The following INKA1 variants were observed in gnomAD, a reference collection of about 807,000 sequenced individuals.
INKA1 encodes PAK4-inhibitor INKA1.
INKA1 carries 14 observed loss-of-function variants against 21.3 expected under a neutral mutation model. The ratio of observed to expected loss-of-function variants is 0.66; its 90% CI spans 0.43 to 1.03. The LOEUF is 1.03. Among genes scored for constraint, INKA1 ranks in the 50% least tolerant of loss-of-function variants. The pLI is 0.00. For missense variants in INKA1, 353 were observed against 379.0 expected (o/e 0.93, Z 0.57); for synonymous variants, 133 against 143.3 (o/e 0.93, Z 0.51).
Position 49,804,071 on chromosome 3 carries a change from C to A in INKA1, c.52-110C>A. The A allele has an allele frequency of 1.1e-6, 1 of 910,990 alleles. No homozygotes were observed. The highest frequency in any genetic ancestry group is 1.7e-6 in the Non-Finnish European group (1 of 593,276). 56.4% of individuals were successfully genotyped at this position (910,990 alleles called of 1,614,324 possible). A position where few individuals can be genotyped will look rare whatever the true frequency, so the allele number is the denominator to read the frequency against. On this transcript the variant is annotated intron_variant, in intron 1 of 1. Transcript: ENST00000333323. This position sits in a 1 kb window ranked among gnomAD's most constrained non-coding sequence, Gnocchi z 6.7. ...TATGCCTGCCCTGTGCTCACTAACA[C>A]CCTGCTGCCCAGGCCAGCAGGCCTA... is the stretch of plus-strand genomic sequence containing the variant.
At position 49,804,223 on chromosome 3, in the gene INKA1, C is replaced by T; in HGVS notation, c.94C>T (p.Leu32=). 2 of 1,605,612 alleles carry T rather than the reference C, an allele frequency of 1.2e-6. No homozygotes were observed. Among genetic ancestry groups the T allele is most frequent in the Non-Finnish European group, 1.7e-6 (2 of 1,175,106 alleles). Residue 32 remains leucine (L), a synonymous_variant, in exon 2 of 2, where the codon CTG becomes TTG. Transcript: ENST00000333323. The surrounding 1 kb of genome is among the most constrained non-coding windows in gnomAD (Gnocchi z 6.7). ...DTGSPSMPGP[L]QPTSQTGPDV... is the part of the protein sequence containing the mutation. ...AGGCTCACCCTCAATGCCTGGTCCC[C>T]TGCAGCCAACCTCCCAAACTGGCCC...
Position 49,804,795 on chromosome 3 carries a change from G to C in INKA1, c.666G>C (p.Gln222His), listed in dbSNP as rs1260169276. Residue 222 changes from glutamine (Q) to histidine (H), a missense_variant, in exon 2 of 2, where the codon CAG becomes CAC. Gln to His is a conservative substitution (Grantham distance 24). Coordinates refer to ENST00000333323, the MANE Select transcript of INKA1 (RefSeq NM_203370.2). This position sits in a 1 kb window ranked among gnomAD's most constrained non-coding sequence, Gnocchi z 6.7. ...ACCGTGCCCGTGCTCGGCCCCCTCA[G>C]TTCCTGCTTGGCCTCTCTGAGCAGC... Reference protein sequence around the residue: ...GGHRARARPPQFLLGLSEQLR... With the variant: ...GGHRARARPPHFLLGLSEQLR... 6.2e-7 allele frequency: 1 copy of C among 1,613,340 alleles called. No individual in the cohort carries two copies. The highest frequency in any genetic ancestry group is 8.5e-7 in the Non-Finnish European group (1 of 1,180,026).
In INKA1 at chr3:49,804,556, G is replaced by A. The variant is rs1301400531; in HGVS notation, c.427G>A (p.Val143Ile). ...PMPSRAPVAS[V>I]PPVHHPRPKS... ...GCCCAGCAGGGCCCCTGTAGCCAGT[G>A]TACCACCTGTCCACCATCCACGGCC... Residue 143 changes from valine (V) to isoleucine (I), a missense_variant, in exon 2 of 2, where the codon GTA (valine) becomes ATA (isoleucine). Val to Ile is a conservative substitution (Grantham distance 29). Coordinates refer to ENST00000333323, the MANE Select transcript of INKA1 (RefSeq NM_203370.2). This position sits in a 1 kb window ranked among gnomAD's most constrained non-coding sequence, Gnocchi z 6.7. 2 of 1,613,468 alleles carry A rather than the reference G, an allele frequency of 1.2e-6. No individual in the cohort carries two copies. Among genetic ancestry groups the A allele is most frequent in the Non-Finnish European group, 1.7e-6 (2 of 1,180,034 alleles).
Position 49,803,401 on chromosome 3 carries a change from C to A in INKA1, c.9C>A (p.Ser3Arg), listed in dbSNP as rs2081395896. 6.5e-7 allele frequency: 1 copy of A among 1,549,844 alleles called. No individual in the cohort carries two copies. Among genetic ancestry groups the A allele is most frequent in the Non-Finnish European group, 8.7e-7 (1 of 1,151,236 alleles). ...GGGGCCCTGGCATGGACATGCACAG[C>A]GCTCGGCTTGACAGCTTCCTTAGCC... MH[S>R]ARLDSFLSQL... Residue 3 changes from serine (S) to arginine (R), a missense_variant, in exon 1 of 2, where the codon AGC (serine) becomes AGA (arginine). Transcript: ENST00000333323. This position sits in a 1 kb window ranked among gnomAD's most constrained non-coding sequence, Gnocchi z 4.8.
rs777224914 is a variant in INKA1, at chr3:49,803,493, G to A, written c.51+50G>A. On this transcript the variant is annotated intron_variant, in intron 1 of 1. Coordinates refer to ENST00000333323, the MANE Select transcript of INKA1 (RefSeq NM_203370.2). The surrounding 1 kb of genome is among the most constrained non-coding windows in gnomAD (Gnocchi z 4.8). ...TAGTGAGGACGCGTGCGGGATGCCA[G>A]GCTGCCGCCCGGCCGGAACAACAGA... 83 of 1,525,332 alleles carry A rather than the reference G, an allele frequency of 5.4e-5. No individual in the cohort carries two copies. Among genetic ancestry groups the A allele is most frequent in the Non-Finnish European group, 6.7e-5 (76 of 1,131,042 alleles). The allele number at this position is 1,525,332 out of a possible 1,614,324, so 94.5% of individuals were successfully genotyped here.
rs368340218 is a variant in INKA1, at chr3:49,804,298, G to A, written c.169G>A (p.Asp57Asn). ...QLRASGALEE[D>N]SVCCVEEEEE... ...TAGGGCCTCGGGTGCCTTGGAAGAG[G>A]ACTCAGTCTGCTGTGTGGAGGAGGA... is the stretch of plus-strand genomic sequence containing the variant. Residue 57 changes from aspartate (D) to asparagine (N), a missense_variant, in exon 2 of 2, where the codon GAC becomes AAC. Asp to Asn is a conservative substitution (Grantham distance 23). Coordinates refer to ENST00000333323, the MANE Select transcript of INKA1 (RefSeq NM_203370.2). The surrounding 1 kb of genome is among the most constrained non-coding windows in gnomAD (Gnocchi z 6.7). The A allele has an allele frequency of 1.9e-6, 3 of 1,613,464 alleles. No homozygotes were observed. In the African/African-American group the frequency reaches 4.0e-5, roughly 22 times the overall value.
chr3:49,804,082 A>C lies in INKA1; in HGVS notation c.52-99A>C. 1 of 1,013,800 alleles carries C rather than the reference A, an allele frequency of 9.9e-7. No homozygotes were observed. The highest frequency in any genetic ancestry group is 2.4e-5 in the East Asian group (1 of 41,728). The allele number at this position is 1,013,800 out of a possible 1,614,324, so 62.8% of individuals were successfully genotyped here. The stretch of plus-strand genomic sequence containing the variant: ...TGTGCTCACTAACACCCTGCTGCCC[A>C]GGCCAGCAGGCCTATCTAACCTTCC... On this transcript the variant is annotated intron_variant, in intron 1 of 1. Coordinates refer to ENST00000333323, the MANE Select transcript of INKA1 (RefSeq NM_203370.2). This position sits in a 1 kb window ranked among gnomAD's most constrained non-coding sequence, Gnocchi z 6.7.
Position 49,803,430 on chromosome 3 carries a change from T to C in INKA1, c.38T>C (p.Leu13Pro). 9 of 1,557,594 alleles carry C rather than the reference T, an allele frequency of 5.8e-6. No individual in the cohort carries two copies. The highest frequency in any genetic ancestry group is 1.2e-5 in the South Asian group (1 of 83,744). ...CGGCTTGACAGCTTCCTTAGCCAGC[T>C]CCGCTGGGAACTGGTGAGGCTCGGG... is the stretch of plus-strand genomic sequence containing the variant. ...SARLDSFLSQLRWELLCGRDT... is the reference protein window; with the variant it reads ...SARLDSFLSQPRWELLCGRDT... The change falls in exon 1 of 2, where the codon CTC becomes CCC. Residue 13 changes from leucine to proline, a missense_variant. Coordinates refer to ENST00000333323, the MANE Select transcript of INKA1 (RefSeq NM_203370.2). This position sits in a 1 kb window ranked among gnomAD's most constrained non-coding sequence, Gnocchi z 4.8.
chr3:49,803,511 A>G lies in INKA1; in HGVS notation c.51+68A>G. ...GATGCCAGGCTGCCGCCCGGCCGGA[A>G]CAACAGACGGGTGCGGGGTGGCTCC... On this transcript the variant is annotated intron_variant, in intron 1 of 1. Transcript: ENST00000333323. This position sits in a 1 kb window ranked among gnomAD's most constrained non-coding sequence, Gnocchi z 4.8. 2 of 1,471,126 alleles carry G rather than the reference A, an allele frequency of 1.4e-6. No individual in the cohort carries two copies. Among genetic ancestry groups the G allele is most frequent in the South Asian group, 2.5e-5 (2 of 79,974 alleles). The allele number at this position is 1,471,126 out of a possible 1,614,324, so 91.1% of individuals were successfully genotyped here.
At position 49,803,562 on chromosome 3, in the gene INKA1, G is replaced by GGGCGGCGTGGC; in HGVS notation, c.51+121_51+131dup. On this transcript the variant is annotated intron_variant, in intron 1 of 1. Coordinates refer to ENST00000333323, the MANE Select transcript of INKA1 (RefSeq NM_203370.2). The surrounding 1 kb of genome is among the most constrained non-coding windows in gnomAD (Gnocchi z 4.8). ...AGCGTGCCGGTCCGAGGCGGGGTGG[G>GGGCGGCGTGGC]GGCGGCGTGGCGCATATGGCTCAGA... The GGGCGGCGTGGC allele has an allele frequency of 9.6e-7, 1 of 1,038,298 alleles. No individual in the cohort carries two copies. Among genetic ancestry groups the GGGCGGCGTGGC allele is most frequent in the Non-Finnish European group, 1.4e-6 (1 of 714,354 alleles). 64.3% of individuals were successfully genotyped at this position (1,038,298 alleles called of 1,614,324 possible).
In INKA1 at chr3:49,803,524, G is replaced by C; in HGVS notation, c.51+81G>C. The C allele has an allele frequency of 2.1e-6, 3 of 1,412,832 alleles. No homozygotes were observed. The highest frequency in any genetic ancestry group is 2.9e-6 in the Non-Finnish European group (3 of 1,037,670). 87.5% of individuals were successfully genotyped at this position (1,412,832 alleles called of 1,614,324 possible). On this transcript the variant is annotated intron_variant, in intron 1 of 1. Transcript: ENST00000333323. The surrounding 1 kb of genome is among the most constrained non-coding windows in gnomAD (Gnocchi z 4.8). Reference sequence around the variant, plus strand: ...CGCCCGGCCGGAACAACAGACGGGTGCGGGGTGGCTCCAGCGTGCCGGTCC... The same window carrying C: ...CGCCCGGCCGGAACAACAGACGGGTCCGGGGTGGCTCCAGCGTGCCGGTCC...
Position 49,804,215 on chromosome 3 carries a change from C to T in INKA1, c.86C>T (p.Pro29Leu). ...CGGGACACAGGCTCACCCTCAATGC[C>T]TGGTCCCCTGCAGCCAACCTCCCAA... ...CGRDTGSPSM[P>L]GPLQPTSQTG... The change falls in exon 2 of 2, where the codon CCT becomes CTT. Residue 29 changes from proline to leucine, a missense_variant. By Grantham distance (98) the Pro-to-Leu change is moderately conservative (BLOSUM62 -3). Coordinates refer to ENST00000333323, the MANE Select transcript of INKA1 (RefSeq NM_203370.2). The surrounding 1 kb of genome is among the most constrained non-coding windows in gnomAD (Gnocchi z 6.7). The T allele has an allele frequency of 6.2e-7, 1 of 1,602,022 alleles. No homozygotes were observed. The highest frequency in any genetic ancestry group is 2.2e-5 in the East Asian group (1 of 44,688).
chr3:49,804,436 A>T lies in INKA1; in HGVS notation c.307A>T (p.Thr103Ser). The change falls in exon 2 of 2, where the codon ACA becomes TCA. Residue 103 changes from threonine to serine, a missense_variant. Thr to Ser is a moderately conservative substitution (Grantham distance 58, BLOSUM62 1). Coordinates refer to ENST00000333323, the MANE Select transcript of INKA1 (RefSeq NM_203370.2). The surrounding 1 kb of genome is among the most constrained non-coding windows in gnomAD (Gnocchi z 6.7). ...DSGFSEVSGS[T>S]WREEELPVSQ... is the part of the protein sequence containing the mutation. ...TGGCTTCTCGGAGGTGTCAGGCAGC[A>T]CATGGCGAGAGGAAGAACTGCCTGT... 6.2e-7 allele frequency: 1 copy of T among 1,613,592 alleles called. No homozygotes were observed. The highest frequency in any genetic ancestry group is 8.5e-7 in the Non-Finnish European group (1 of 1,179,990).
Position 49,804,919 on chromosome 3 carries a change from C to T in INKA1, c.790C>T (p.Arg264Cys), listed in dbSNP as rs745844777. 9.3e-6 allele frequency: 15 copies of T among 1,613,008 alleles called. No homozygotes were observed. The highest frequency in any genetic ancestry group is 1.7e-4 in the Middle Eastern group (1 of 6,050). ...PEPELPADVS[R>C]FAALMSCRSR... ...ACCTGAACTGCCTGCGGATGTCTCA[C>T]GCTTTGCAGCTCTCATGAGCTGTCG... The change falls in exon 2 of 2, where the codon CGC (arginine) becomes TGC (cysteine). Residue 264 changes from arginine to cysteine, a missense_variant. Arg to Cys is a radical substitution (Grantham distance 180). Transcript: ENST00000333323. This position sits in a 1 kb window ranked among gnomAD's most constrained non-coding sequence, Gnocchi z 6.7.
chr3:49,803,432 C>G lies in INKA1; in HGVS notation c.40C>G (p.Arg14Gly). ...ARLDSFLSQL[R>G]WELLCGRDTG... is the part of the protein sequence containing the mutation. ...GCTTGACAGCTTCCTTAGCCAGCTC[C>G]GCTGGGAACTGGTGAGGCTCGGGAG... is the stretch of plus-strand genomic sequence containing the variant. Residue 14 changes from arginine to glycine, a missense_variant, in exon 1 of 2, where the codon CGC becomes GGC. By Grantham distance (125) the Arg-to-Gly change is moderately radical. Coordinates refer to ENST00000333323, the MANE Select transcript of INKA1 (RefSeq NM_203370.2). This position sits in a 1 kb window ranked among gnomAD's most constrained non-coding sequence, Gnocchi z 4.8. The G allele has an allele frequency of 6.4e-7, 1 of 1,558,130 alleles. No individual in the cohort carries two copies. Among genetic ancestry groups the G allele is most frequent in the Non-Finnish European group, 8.7e-7 (1 of 1,154,662 alleles).
At position 49,804,076 on chromosome 3, in the gene INKA1, C is replaced by T; in HGVS notation, c.52-105C>T. The T allele has an allele frequency of 1.0e-6, 1 of 958,556 alleles. No individual in the cohort carries two copies. The highest frequency in any genetic ancestry group is 1.6e-6 in the Non-Finnish European group (1 of 635,476). The allele number at this position is 958,556 out of a possible 1,614,324, so 59.4% of individuals were successfully genotyped here. ...CTGCCCTGTGCTCACTAACACCCTG[C>T]TGCCCAGGCCAGCAGGCCTATCTAA... On this transcript the variant is annotated intron_variant, in intron 1 of 1. Transcript: ENST00000333323. The surrounding 1 kb of genome is among the most constrained non-coding windows in gnomAD (Gnocchi z 6.7).
rs2081422359 is a variant in INKA1 at position 49,805,016 on chromosome 3, G to T, written c.*29G>T. The T allele has an allele frequency of 6.3e-7, 1 of 1,587,288 alleles. No individual in the cohort carries two copies. The highest frequency in any genetic ancestry group is 1.7e-5 in the Admixed American group (1 of 58,296). ...TGCCCTCCAGCCTGGGACAATAAAAGCCTTTTTTCTAGACTGTCCTGGCTC... is the reference window on the plus strand; with the variant it reads ...TGCCCTCCAGCCTGGGACAATAAAATCCTTTTTTCTAGACTGTCCTGGCTC... On this transcript the variant is annotated 3_prime_UTR_variant, in exon 2 of 2. Coordinates refer to ENST00000333323, the MANE Select transcript of INKA1 (RefSeq NM_203370.2).
At position 49,804,281 on chromosome 3, in the gene INKA1, C is replaced by T; in HGVS notation, c.152C>T (p.Ser51Leu). The T allele has an allele frequency of 6.2e-7, 1 of 1,613,562 alleles. No homozygotes were observed. The highest frequency in any genetic ancestry group is 8.5e-7 in the Non-Finnish European group (1 of 1,179,906). ...CAGCCCAGCCACCAGCTTAGGGCCT[C>T]GGGTGCCTTGGAAGAGGACTCAGTC... ...DVQPSHQLRA[S>L]GALEEDSVCC... Residue 51 changes from serine to leucine, a missense_variant, in exon 2 of 2, where the codon TCG (serine) becomes TTG (leucine). Ser to Leu is a moderately radical substitution (Grantham distance 145, BLOSUM62 -2). Transcript: ENST00000333323. The surrounding 1 kb of genome is among the most constrained non-coding windows in gnomAD (Gnocchi z 6.7).
Position 49,803,454 on chromosome 3 carries a change from G to A in INKA1, c.51+11G>A, listed in dbSNP as rs746939856. The stretch of plus-strand genomic sequence containing the variant: ...CTCCGCTGGGAACTGGTGAGGCTCG[G>A]GAGCGGGTGTGGTTAGTGAGGACGC... On this transcript the variant is annotated intron_variant, in intron 1 of 1. Transcript: ENST00000333323. The surrounding 1 kb of genome is among the most constrained non-coding windows in gnomAD (Gnocchi z 4.8). 41 of 1,553,802 alleles carry A rather than the reference G, an allele frequency of 2.6e-5. No homozygotes were observed. The South Asian group carries it at 4.9e-4, about 19-fold the overall frequency.
Sources: allele counts gnomAD v4.1 joint callset, GRCh38; gene constraint gnomAD v4.1.1; non-coding constraint Gnocchi (gnomAD v3.1); transcripts MANE v1.5; gene names NCBI Gene and HGNC (gene_info 2026-07-23, HGNC 2026-07-21).